KCNG3: variants seen among roughly 807,000 people sequenced by gnomAD.
KCNG3 encodes voltage-gated potassium channel regulatory subunit KCNG3.
In KCNG3, 15 loss-of-function variants were observed where a neutral mutation model predicts 29.0. The ratio of observed to expected loss-of-function variants is 0.52; its 90% CI spans 0.35 to 0.80. The LOEUF (loss-of-function observed/expected upper bound fraction) is 0.80, where lower values mean the gene tolerates loss of function less well. KCNG3 is among the 30% of genes least tolerant of loss of function. The pLI is 0.01. For synonymous variants in KCNG3, 322 were observed against 248.9 expected (o/e 1.29, Z -2.76); for missense variants, 512 against 605.7 (o/e 0.85, Z 1.62).
chr2:42,460,360 C>T (rs1476164294), intron 1 of KCNG3, among the ~76,000 whole-genome samples: 2 of 151,838 alleles, frequency 1.3e-5, no homozygotes, highest in Non-Finnish European at 2.9e-5. Context: ...AAATATAAAT[C>T]AATTAACTAA....
chr2:42,489,452 C>G (rs901351138), intron 1 of KCNG3, among the ~76,000 whole-genome samples: 4 of 152,138 alleles, frequency 2.6e-5, no homozygotes, highest in Non-Finnish European at 5.9e-5. Context: ...GAGAATTTAC[C>G]TGCCTTCTAG....
intron 1 of KCNG3, among the ~76,000 whole-genome samples, chr2:42,452,770 G>GGTGTGT (rs57111452): frequency 0.029 from 4,305 of 150,166 alleles, 86 homozygotes; most frequent in Middle Eastern, 0.042. Context: ...CATTCAACTG[G>GGTGTGT]GTGTGTGTGT....
rs60025476 is a variant in KCNG3 at position 42,487,347 on chromosome 2, CTTT to C, written c.665+5487_665+5489del. On this transcript the variant is annotated intron_variant, in intron 1 of 1. Transcript: ENST00000306078. ...GAGCTAATTTCTTTTTTTTTTCTTTCTTTTTTTTTTTTTTTGAGATGGAGTCTT... is the reference window on the plus strand; with the variant it reads ...GAGCTAATTTCTTTTTTTTTTCTTTCTTTTTTTTTTTTGAGATGGAGTCTT... 8.2e-3 allele frequency among the ~76,000 whole-genome samples: 964 copies of C among 116,966 alleles called. 9 individuals are homozygous for C. The highest frequency in any genetic ancestry group is 0.027 in the African/African-American group (817 of 30,392). 76.7% of individuals were successfully genotyped at this position (116,966 alleles called of 152,430 possible).
At chr2:42,455,594 C>CTCA (rs1672857646) in intron 1 of KCNG3, among the ~76,000 whole-genome samples, 1 of 152,044 alleles carries the variant, frequency 6.6e-6, no homozygotes, top group Non-Finnish European at 1.5e-5. Flanking sequence ...ATAGTCAGAT[C>CTCA]TCATCTTTAC....
the KCNG3 span, among the ~76,000 whole-genome samples, chr2:42,428,487 A>G: frequency 6.6e-6 from 1 of 151,146 alleles, no homozygotes; most frequent in African/African-American, 2.4e-5. Context: ...AAGAAAAGAA[A>G]AAGTTTGACA....
At chr2:42,389,240 G>C in the KCNG3 span, among the ~76,000 whole-genome samples, 1 of 152,150 alleles carries the variant, frequency 6.6e-6, no homozygotes, top group African/African-American at 2.4e-5. Flanking sequence ...TTTGTAACCT[G>C]CTTTTATCAC....
At chr2:42,403,149 T>C in the KCNG3 span, among the ~76,000 whole-genome samples, 1 of 152,222 alleles carries the variant, frequency 6.6e-6, no homozygotes, top group African/African-American at 2.4e-5. Context: ...TTATGTGCCT[T>C]TTCCTTTTTG....
the KCNG3 span, among the ~76,000 whole-genome samples, chr2:42,402,488 C>G: frequency 6.6e-6 from 1 of 152,142 alleles, no homozygotes; most frequent in African/African-American, 2.4e-5. Flanking sequence ...TAGTTCAAGA[C>G]CAGCCTGGGC....
intron 1 of KCNG3, among the ~76,000 whole-genome samples, chr2:42,476,721 C>G (rs150587687): frequency 6.6e-6 from 1 of 150,786 alleles, no homozygotes; most frequent in Admixed American, 6.6e-5. Flanking sequence ...AACTCCTGGC[C>G]TCAAGTGATC....
chr2:42,486,819 C>T (rs374749048), intron 1 of KCNG3, among the ~76,000 whole-genome samples: 86 of 152,258 alleles, frequency 5.6e-4, no homozygotes, highest in African/African-American at 1.9e-3. Context: ...TCTGGCACAG[C>T]GCCTGGCACA....
intron 1 of KCNG3, among the ~76,000 whole-genome samples, chr2:42,452,241 ATATTTTT>A (rs1329262220): frequency 4.5e-5 from 3 of 66,110 alleles, no homozygotes; most frequent in East Asian, 5.9e-4. Flanking sequence ...ATATATATAT[ATATTTTT>A]TTTTTTTTTT....
intron 1 of KCNG3, among the ~76,000 whole-genome samples, chr2:42,460,986 C>T (rs1355598307): frequency 1.3e-5 from 2 of 151,858 alleles, no homozygotes; most frequent in South Asian, 2.1e-4. Context: ...GTGGTGAAAC[C>T]CCGTCTCTAC....
the KCNG3 span, among the ~76,000 whole-genome samples, chr2:42,401,803 G>T: frequency 6.6e-6 from 1 of 152,058 alleles, no homozygotes; most frequent in Non-Finnish European, 1.5e-5. Context: ...ACGACTGCTT[G>T]AACCCAGAAG....
chr2:42,393,704 C>T, the KCNG3 span, among the ~76,000 whole-genome samples: 1 of 152,156 alleles, frequency 6.6e-6, no homozygotes, highest in Non-Finnish European at 1.5e-5. Context: ...GAGCTCCAGT[C>T]ATTGCATCCA....
the KCNG3 span, among the ~76,000 whole-genome samples, chr2:42,410,856 G>T: frequency 1.3e-5 from 2 of 152,136 alleles, no homozygotes; most frequent in Non-Finnish European, 2.9e-5. Flanking sequence ...AGGTTGGAAA[G>T]ACTACTTCGT....
the KCNG3 span, among the ~76,000 whole-genome samples, chr2:42,419,287 G>A: frequency 1.5e-5 from 2 of 131,806 alleles, no homozygotes; most frequent in Admixed American, 1.7e-4. Flanking sequence ...ACCCAGGCTG[G>A]AGTGCAGTGG....
the KCNG3 span, among the ~76,000 whole-genome samples, chr2:42,407,852 C>T: frequency 1.3e-5 from 2 of 152,304 alleles, no homozygotes; most frequent in East Asian, 1.9e-4. Flanking sequence ...ACCCCATCCC[C>T]GCCAACTCTG....
At chr2:42,408,241 G>A in the KCNG3 span, among the ~76,000 whole-genome samples, 2 of 152,202 alleles carry the variant, frequency 1.3e-5, no homozygotes, top group African/African-American at 4.8e-5. Context: ...CTGGGCGTAA[G>A]AGGGCGAGTC....
chr2:42,463,913 G>A (rs76188723), intron 1 of KCNG3: 23,514 of 311,712 alleles, frequency 0.075, 1,185 homozygotes, highest in South Asian at 0.15. Context: ...TTCAAATCAA[G>A]TTTTATTAAG....
Sources: allele counts gnomAD v4.1 joint callset (sites outside exome capture counted in the v4.1 genomes callset), GRCh38; gene constraint gnomAD v4.1.1; transcripts MANE v1.5; gene names NCBI Gene and HGNC (gene_info 2026-07-23, HGNC 2026-07-21).